The following PIGN variants were observed in gnomAD, a reference collection of about 807,000 sequenced individuals.
PIGN encodes phosphatidylinositol glycan anchor biosynthesis class N.
PIGN carries 117 observed loss-of-function variants against 125.4 expected under a neutral mutation model. That is an observed-to-expected ratio of 0.93 (90% CI 0.80 to 1.09). The LOEUF (loss-of-function observed/expected upper bound fraction) is 1.09. Among genes scored for constraint, PIGN ranks in the 50% least tolerant of loss-of-function variants. PIGN has a pLI of 0.00. For missense variants in PIGN, 1,075 were observed against 1,094.9 expected (o/e 0.98, Z 0.26); for synonymous variants, 392 against 377.8 (o/e 1.04, Z -0.44).
At chr18:62,067,367 T>C (rs576758112) in intron 30 of PIGN, among the ~76,000 whole-genome samples, 112 of 152,322 alleles carry the variant, frequency 7.4e-4, no homozygotes, top group African/African-American at 2.6e-3. Context: ...GGAACCATTT[T>C]AAATGTCCAG....
intron 30 of PIGN, among the ~76,000 whole-genome samples, chr18:62,058,226 G>C (rs1004603400): frequency 1.2e-4 from 18 of 152,178 alleles, no homozygotes; most frequent in Non-Finnish European, 2.4e-4. Flanking sequence ...TTCTCTTGAT[G>C]TTAAATGTTA....
chr18:62,114,836 T>G (rs887022059), intron 14 of PIGN, among the ~76,000 whole-genome samples, 197 bp from the exon 15 acceptor site: 3 of 152,204 alleles, frequency 2.0e-5, no homozygotes, highest in African/African-American at 7.2e-5. Context: ...TTTGGTTTTC[T>G]TGACTCGAAG....
In PIGN at chr18:62,114,652, A is replaced by C; in HGVS notation, c.1173-13T>G. The stretch of plus-strand genomic sequence containing the variant: ...ATCAGAAAGCAGTCTATATATAAAA[A>C]AAAGAATAGGTTTAAAGGGTTTCCT... On this transcript the variant is annotated splice_polypyrimidine_tract_variant and intron_variant, in intron 14 of 30. Transcript: ENST00000640252. 3 of 1,331,926 alleles carry C rather than the reference A, an allele frequency of 2.3e-6. No homozygotes were observed. Among genetic ancestry groups the C allele is most frequent in the Non-Finnish European group, 3.1e-6 (3 of 960,696 alleles). The allele number at this position is 1,331,926 out of a possible 1,614,324, so 82.5% of individuals were successfully genotyped here. A position where few individuals can be genotyped will look rare whatever the true frequency, so the allele number is the denominator to read the frequency against.
chr18:62,111,885 T>A (rs1391283525), intron 16 of PIGN, among the ~76,000 whole-genome samples: 1 of 152,196 alleles, frequency 6.6e-6, no homozygotes, highest in African/African-American at 2.4e-5. Context: ...ATTATCAGAT[T>A]AACGAATAAT....
At position 62,085,256 on chromosome 18, in the gene PIGN, G is replaced by A. The variant is rs2033644275; in HGVS notation, c.2379C>T (p.Phe793=). 1 of 1,543,112 alleles carries A rather than the reference G, an allele frequency of 6.5e-7. No individual in the cohort carries two copies. The highest frequency in any genetic ancestry group is 2.0e-5 in the Admixed American group (1 of 50,654). The change falls in exon 26 of 31, where the codon TTC becomes TTT. Residue 793 remains phenylalanine, a synonymous_variant. Coordinates refer to ENST00000640252, the MANE Select transcript of PIGN (RefSeq NM_176787.5). ...DIRRAFFLVF[F]LVTAFFGTGN... is the part of the protein sequence containing the mutation. ...CAGTTCCAAAAAATGCTGTCACTAA[G>A]AAGAAAACCTAAAGGGAGTCAAGGA...
chr18:62,101,469 A>G (rs1568175959), intron 21 of PIGN, among the ~76,000 whole-genome samples: 1 of 152,222 alleles, frequency 6.6e-6, no homozygotes, highest in African/African-American at 2.4e-5. Flanking sequence ...ATTCAGAAAC[A>G]TTCACTTCTG....
intron 7 of PIGN, among the ~76,000 whole-genome samples, chr18:62,149,226 A>G (rs1450595231): frequency 2.0e-5 from 3 of 152,216 alleles, no homozygotes; most frequent in Non-Finnish European, 4.4e-5. Context: ...GTTAAAAAAC[A>G]CAAATGGTGC....
chr18:62,080,737 G>A (rs926788874), intron 28 of PIGN, among the ~76,000 whole-genome samples: 2 of 152,174 alleles, frequency 1.3e-5, no homozygotes, highest in African/African-American at 4.8e-5. Context: ...CAGGGTTGCT[G>A]ATGGCATCAC....
At chr18:62,024,530 C>T (rs569022503) in intron 23 of PIGN, among the ~76,000 whole-genome samples, 1 of 152,334 alleles carries the variant, frequency 6.6e-6, no homozygotes, top group Non-Finnish European at 1.5e-5. Flanking sequence ...TTTTCCTCCT[C>T]TCTATAGTCC....
At chr18:62,149,076 G>A (rs371639261) in intron 7 of PIGN, among the ~76,000 whole-genome samples, 1 of 152,106 alleles carries the variant, frequency 6.6e-6, no homozygotes, top group African/African-American at 2.4e-5. Flanking sequence ...TAAGTTAACA[G>A]GCTATCCAAG....
intron 14 of PIGN, chr18:62,136,059 C>G (rs909690517): frequency 5.9e-5 from 9 of 152,174 alleles, no homozygotes; most frequent in African/African-American, 2.2e-4. Flanking sequence ...AAAACACATA[C>G]TAGTCAATCA....
intron 20 of PIGN, chr18:62,105,080 T>A (rs972147309): frequency 1.3e-5 from 2 of 152,286 alleles, no homozygotes; most frequent in East Asian, 1.9e-4. Context: ...TAGAGTTTCC[T>A]CCCATGGAGA....
chr18:62,026,396 T>C (rs1444344417), intron 23 of PIGN, among the ~76,000 whole-genome samples: 2 of 152,146 alleles, frequency 1.3e-5, no homozygotes, highest in African/African-American at 4.8e-5. Flanking sequence ...GTGACATACA[T>C]TTAAGCAATC....
Position 62,088,810 on chromosome 18 carries a change from A to C in PIGN, c.2316T>G (p.Asp772Glu). ...LTSIQFSYNT[D>E]ITQFRQLYLD... is the part of the protein sequence containing the mutation. ...GATATAGCTGTCGAAACTGAGTTAT[A>C]TCAGTATTATAAGAGAACTGGATAC... Residue 772 changes from aspartate to glutamate, a missense_variant, in exon 25 of 31, where the codon GAT becomes GAG. Asp to Glu is a conservative substitution (Grantham distance 45). Transcript: ENST00000640252. 6.4e-7 allele frequency: 1 copy of C among 1,557,828 alleles called. No individual in the cohort carries two copies. Among genetic ancestry groups the C allele is most frequent in the Non-Finnish European group, 8.7e-7 (1 of 1,146,828 alleles).
intron 14 of PIGN, among the ~76,000 whole-genome samples, chr18:62,117,428 C>T (rs1329237830): frequency 6.6e-6 from 1 of 151,770 alleles, no homozygotes; most frequent in East Asian, 1.9e-4. Flanking sequence ...CAAGGGAGAT[C>T]TATACATATA....
intron 21 of PIGN, 22 bp from the exon 22 acceptor site, chr18:62,101,205 G>C: frequency 7.4e-7 from 1 of 1,348,368 alleles, no homozygotes; most frequent in East Asian, 2.3e-5. Flanking sequence ...GATGAAATAG[G>C]TTAAAAAAAG....
intron 11 of PIGN, among the ~76,000 whole-genome samples, chr18:62,141,851 A>G (rs1349554957): frequency 6.6e-6 from 1 of 152,152 alleles, no homozygotes; most frequent in Non-Finnish European, 1.5e-5. Context: ...TTCTATTGCT[A>G]TATAACAGCT....
At chr18:62,084,882 T>C (rs959796542) in intron 26 of PIGN, among the ~76,000 whole-genome samples, 1 of 151,856 alleles carries the variant, frequency 6.6e-6, no homozygotes, top group Non-Finnish European at 1.5e-5. Context: ...CTGAGGCGGG[T>C]GGATCACCTG....
chr18:62,174,203 G>A (rs1313011558), intron 1 of PIGN: 3 of 144,000 alleles, frequency 2.1e-5, no homozygotes, highest in Non-Finnish European at 4.6e-5. Context: ...GACAAAGCGA[G>A]ACTCCAACTC....
Sources: gnomAD v4.1 joint callset for allele counts (sites outside exome capture counted in the v4.1 genomes callset) on GRCh38, gnomAD v4.1.1 for gene constraint, MANE v1.5 for transcripts, NCBI Gene and HGNC (gene_info 2026-07-23, HGNC 2026-07-21) for gene names.